The following HHAT variants were observed in gnomAD, a reference collection of about 807,000 sequenced individuals.
The protein encoded by HHAT is hedgehog acyltransferase, also known as protein-cysteine N-palmitoyltransferase HHAT.
In HHAT, 47 loss-of-function variants were observed where a neutral mutation model predicts 70.8. That is an observed-to-expected ratio of 0.66 (90% CI 0.53 to 0.85). The LOEUF (loss-of-function observed/expected upper bound fraction) is 0.85. Among genes scored for constraint, HHAT ranks in the 40% least tolerant of loss-of-function variants. The probability of loss-of-function intolerance (pLI) is 0.00; values close to 1 mark genes in which losing one functional copy is unlikely to be tolerated. For missense variants in HHAT, 609 were observed against 604.8 expected, an observed-to-expected ratio of 1.01 and a Z score of -0.07; for synonymous variants, 228 against 247.6, an observed-to-expected ratio of 0.92 and a Z score of 0.74.
At chr1:210,563,054 TG>T (rs994499746) in intron 9 of HHAT, among the ~76,000 whole-genome samples, 2 of 152,056 alleles carry the variant, frequency 1.3e-5, no homozygotes, top group Non-Finnish European at 2.9e-5. Flanking sequence ...CCTCGCAACT[TG>T]TAAGTGAAGG....
intron 4 of HHAT, among the ~76,000 whole-genome samples, chr1:210,399,385 TA>T (rs2091955006): frequency 6.6e-6 from 1 of 152,002 alleles, no homozygotes; most frequent in East Asian, 1.9e-4. Flanking sequence ...GCCTCCCGGG[TA>T]GTTGGGATTA....
chr1:210,579,246 T>G (rs115272976), intron 9 of HHAT, among the ~76,000 whole-genome samples: 2,054 of 152,186 alleles, frequency 0.013, 49 homozygotes, highest in African/African-American at 0.046. Context: ...TGACATGAGT[T>G]TACCTATATA....
chr1:210,424,624 A>G (rs1261031677), intron 7 of HHAT, among the ~76,000 whole-genome samples: 1 of 150,962 alleles, frequency 6.6e-6, no homozygotes, highest in Admixed American at 6.6e-5. Flanking sequence ...GCCCCAGTGC[A>G]TGTTGTTCCC....
At chr1:210,656,408 C>G (rs933734368) in intron 11 of HHAT, among the ~76,000 whole-genome samples, 1 of 152,082 alleles carries the variant, frequency 6.6e-6, no homozygotes, top group South Asian at 2.1e-4. Context: ...CACACATACC[C>G]CCCCCGTCCC....
intron 9 of HHAT, among the ~76,000 whole-genome samples, chr1:210,552,999 A>G (rs1233229102): frequency 6.6e-6 from 1 of 152,162 alleles, no homozygotes; most frequent in Non-Finnish European, 1.5e-5. Context: ...CCTGTGTTGA[A>G]GAGTTAAATG....
intron 2 of HHAT, among the ~76,000 whole-genome samples, chr1:210,358,999 A>C (rs2087956686): frequency 6.6e-6 from 1 of 152,212 alleles, no homozygotes; most frequent in Non-Finnish European, 1.5e-5. Context: ...AACAGCTGAC[A>C]TGGTAATCAG....
At chr1:210,531,164 C>T (rs1573076102) in intron 9 of HHAT, among the ~76,000 whole-genome samples, 2 of 152,298 alleles carry the variant, frequency 1.3e-5, no homozygotes, top group Non-Finnish European at 2.9e-5. Flanking sequence ...TGTAGGTACT[C>T]ATCTATCTAA....
intron 11 of HHAT, among the ~76,000 whole-genome samples, chr1:210,628,648 A>G (rs1670288132): frequency 6.6e-6 from 1 of 152,096 alleles, no homozygotes; most frequent in African/African-American, 2.4e-5. Flanking sequence ...GGAGCTGGTA[A>G]TTTTCTTATG....
intron 7 of HHAT, among the ~76,000 whole-genome samples, chr1:210,445,575 C>G (rs965891435): frequency 6.6e-6 from 1 of 152,108 alleles, no homozygotes; most frequent in African/African-American, 2.4e-5. Flanking sequence ...ATTTACATAA[C>G]CCTTTTAAAA....
At chr1:210,427,635 A>G (rs1310834734) in intron 7 of HHAT, among the ~76,000 whole-genome samples, 1 of 152,148 alleles carries the variant, frequency 6.6e-6, no homozygotes, top group Non-Finnish European at 1.5e-5. Context: ...CTTAGCCTTG[A>G]TTAGTAATTT....
intron 9 of HHAT, among the ~76,000 whole-genome samples, chr1:210,516,310 G>T (rs191547836): frequency 2.0e-5 from 3 of 152,196 alleles, no homozygotes; most frequent in African/African-American, 7.2e-5. Flanking sequence ...TGGAGAGGGC[G>T]GGTGGAGTGG....
rs369411235 is a variant in HHAT at position 210,513,103 on chromosome 1, T to C, written c.1008-50T>C. 5.1e-4 allele frequency: 540 copies of C among 1,066,488 alleles called. 3 individuals carry two copies. Among genetic ancestry groups the C allele is most frequent in the Admixed American group, 1.3e-4 (7 of 52,052 alleles). 66.1% of individuals were successfully genotyped at this position (1,066,488 alleles called of 1,614,324 possible). A position where few individuals can be genotyped will look rare whatever the true frequency, so the allele number is the denominator to read the frequency against. On this transcript the variant is annotated intron_variant, in intron 8 of 11. Transcript: ENST00000261458. ...TAAATATAGTTGTCTAGTCTACCAT[T>C]ACTATAAATATCTTTTATTGATATG...
At chr1:210,607,313 G>A (rs1206809280) in intron 10 of HHAT, among the ~76,000 whole-genome samples, 2 of 152,044 alleles carry the variant, frequency 1.3e-5, no homozygotes, top group Non-Finnish European at 2.9e-5. Context: ...CTGTGAATGT[G>A]TATCCTTTTC....
intron 11 of HHAT, among the ~76,000 whole-genome samples, chr1:210,636,771 A>G: frequency 6.7e-6 from 1 of 148,318 alleles, no homozygotes; most frequent in Non-Finnish European, 1.5e-5. Context: ...CCCAATTGAA[A>G]CATCTAAGGT....
At chr1:210,477,890 TATGAC>T (rs2094330123) in intron 8 of HHAT, among the ~76,000 whole-genome samples, 1 of 152,196 alleles carries the variant, frequency 6.6e-6, no homozygotes, top group Non-Finnish European at 1.5e-5. Flanking sequence ...GCTCAGATCT[TATGAC>T]ACATTGTCAT....
At chr1:210,586,951 T>A (rs1660584984) in intron 9 of HHAT, among the ~76,000 whole-genome samples, 1 of 152,222 alleles carries the variant, frequency 6.6e-6, no homozygotes, top group African/African-American at 2.4e-5. Context: ...GTACTTTGGC[T>A]GCCCTGTGAG....
Position 210,349,084 on chromosome 1 carries a change from T to C in HHAT, c.91+18T>C. 1 of 1,609,216 alleles carries C rather than the reference T, an allele frequency of 6.2e-7. No homozygotes were observed. ...CTCCAGAGGTAAGGCCCCAAGCTTT[T>C]CAGACCTCCTATCAAACAAGGAAAC... On this transcript the variant is annotated intron_variant, in intron 2 of 11. Coordinates refer to ENST00000261458, the MANE Select transcript of HHAT (RefSeq NM_018194.6).
At chr1:210,411,986 G>T (rs1256706719) in intron 6 of HHAT, among the ~76,000 whole-genome samples, 1 of 152,164 alleles carries the variant, frequency 6.6e-6, no homozygotes, top group East Asian at 1.9e-4. Flanking sequence ...AGTTCTAGAG[G>T]CTGGGAAGTC....
At chr1:210,419,681 TCCAAGGACGAAA>T (rs1241365845) in intron 7 of HHAT, among the ~76,000 whole-genome samples, 1 of 152,226 alleles carries the variant, frequency 6.6e-6, no homozygotes, top group Non-Finnish European at 1.5e-5. Flanking sequence ...TCAGAATGTT[TCCAAGGACGAAA>T]CCTTTAAGAT....
Sources: allele counts gnomAD v4.1 joint callset (sites outside exome capture counted in the v4.1 genomes callset), GRCh38; gene constraint gnomAD v4.1.1; transcripts MANE v1.5; gene names NCBI Gene and HGNC (gene_info 2026-07-23, HGNC 2026-07-21).